Variants in RORA observed in about 807,000 individuals in gnomAD.
RORA encodes the protein nuclear receptor ROR-alpha.
A neutral mutation model predicts 69.5 loss-of-function variants in RORA; 7 were observed. That is an observed-to-expected ratio of 0.10 (90% CI 0.06 to 0.19). The LOEUF is 0.19. Ranked by LOEUF, RORA falls within the 10% of genes least tolerant of loss-of-function variation. The probability of loss-of-function intolerance (pLI) is 1.00; values close to 1 mark genes in which losing one functional copy is unlikely to be tolerated. For synonymous variants in RORA, 261 were observed against 240.8 expected (o/e 1.08, Z -0.78); for missense variants, 457 against 663.0 (o/e 0.69, Z 3.41).
At chr15:61,035,346 T>C (rs79336418) in intron 1 of RORA, among the ~76,000 whole-genome samples, 2,073 of 152,294 alleles carry the variant, frequency 0.014, 20 homozygotes, top group Non-Finnish European at 0.022. Flanking sequence ...ACATACCAGA[T>C]AAAAATAAAA....
chr15:60,737,820 C>T (rs2071522672), intron 1 of RORA, among the ~76,000 whole-genome samples: 1 of 152,144 alleles, frequency 6.6e-6, no homozygotes, highest in Admixed American at 6.5e-5. Context: ...TATTTGACTT[C>T]GAAGAACTAC....
intron 1 of RORA, chr15:61,038,717 T>C (rs1332220817): frequency 6.6e-6 from 1 of 152,220 alleles, no homozygotes; most frequent in Non-Finnish European, 1.5e-5. Flanking sequence ...TAGCGGAAGA[T>C]TCTAGGCAGC....
rs749747818 is a variant in RORA, at chr15:61,000,135, G to A, written c.166+228918C>T. On this transcript the variant is annotated intron_variant, in intron 1 of 10. Coordinates refer to ENST00000335670, the MANE Select transcript of RORA (RefSeq NM_134261.3). ...TGTAAAATTATAGGATATACTTAGC[G>A]TTTAGGTTTTAAAAAATTATTAGCT... Among the ~76,000 whole-genome samples, 3 of 152,020 alleles carry A rather than the reference G, an allele frequency of 2.0e-5. No homozygotes were observed. In the East Asian group the frequency reaches 5.8e-4, roughly 29 times the overall value.
intron 1 of RORA, among the ~76,000 whole-genome samples, chr15:60,917,886 G>C (rs1237442911): frequency 1.3e-5 from 2 of 152,208 alleles, no homozygotes; most frequent in Non-Finnish European, 2.9e-5. Context: ...GACAAAGCGT[G>C]ACAGCGTCTC....
intron 1 of RORA, among the ~76,000 whole-genome samples, chr15:60,845,428 T>C (rs1205786328): frequency 6.6e-6 from 1 of 152,194 alleles, no homozygotes; most frequent in Admixed American, 6.5e-5. Flanking sequence ...CCATCAGTTT[T>C]CAACCTTTTC....
At chr15:61,059,988 G>GGAAGAA (rs71122901) in intron 1 of RORA, among the ~76,000 whole-genome samples, 5,209 of 85,572 alleles carry the variant, frequency 0.061, 274 homozygotes, top group Middle Eastern at 0.079. Flanking sequence ...AAGAGGAAGA[G>GGAAGAA]GAAGAAGAAG....
rs1372612990 is a variant in RORA, at chr15:60,678,704, A to G, written c.167-18T>C. On this transcript the variant is annotated intron_variant, in intron 1 of 10. Transcript: ENST00000335670. ...TGAGATACCTGGAAGAGAAGAAACA[A>G]TAACATAGGTTAGAAAGTGCCCTGT... 1 of 1,608,456 alleles carries G rather than the reference A, an allele frequency of 6.2e-7. No homozygotes were observed. The highest frequency in any genetic ancestry group is 8.5e-7 in the Non-Finnish European group (1 of 1,174,842).
intron 2 of RORA, among the ~76,000 whole-genome samples, chr15:60,551,897 A>G (rs976592485): frequency 2.6e-5 from 4 of 152,200 alleles, no homozygotes; most frequent in African/African-American, 7.2e-5. Flanking sequence ...GTTTATCCCA[A>G]CCTCCTCATT....
chr15:60,820,149 C>T (rs2072874933), intron 1 of RORA, among the ~76,000 whole-genome samples: 1 of 152,238 alleles, frequency 6.6e-6, no homozygotes, highest in South Asian at 2.1e-4. Flanking sequence ...ACGAGTGAGG[C>T]TGCAAGTCAG....
Position 60,542,538 on chromosome 15 carries a change from CAG to C in RORA, c.197-10689_197-10688del, listed in dbSNP as rs1491571839. ...ACATGGCACACATGCACACCTCACA[CAG>C]ATGGCACACATGCACACCTCACACA... On this transcript the variant is annotated intron_variant, in intron 2 of 10. Coordinates refer to ENST00000335670, the MANE Select transcript of RORA (RefSeq NM_134261.3). Among the ~76,000 whole-genome samples, 19 of 135,962 alleles carry C rather than the reference CAG, an allele frequency of 1.4e-4. 1 individual carries two copies. The highest frequency in any genetic ancestry group is 5.6e-4 in the African/African-American group (17 of 30,524). The allele number at this position is 135,962 out of a possible 152,430, so 89.2% of individuals were successfully genotyped here. A position where few individuals can be genotyped will look rare whatever the true frequency, so the allele number is the denominator to read the frequency against.
In RORA at chr15:60,864,737, C is replaced by T. The variant is rs542587239; in HGVS notation, c.167-186051G>A. 3.9e-5 allele frequency among the ~76,000 whole-genome samples: 6 copies of T among 152,300 alleles called. No individual in the cohort carries two copies. In the South Asian group the frequency reaches 1.2e-3, roughly 32 times the overall value. On this transcript the variant is annotated intron_variant, in intron 1 of 10. Transcript: ENST00000335670. ...CATGTCCCTTATAGATACATATGAACTTACACATGATCTATCAGGAAGGAA... is the reference window on the plus strand; with the variant it reads ...CATGTCCCTTATAGATACATATGAATTTACACATGATCTATCAGGAAGGAA...
At chr15:60,684,126 T>G (rs2070701650) in intron 1 of RORA, among the ~76,000 whole-genome samples, 1 of 152,076 alleles carries the variant, frequency 6.6e-6, no homozygotes, top group South Asian at 2.1e-4. Context: ...GTGGCATTTT[T>G]CCTCTTCCCA....
intron 1 of RORA, among the ~76,000 whole-genome samples, chr15:61,121,537 T>C (rs2079104292): frequency 6.6e-6 from 1 of 152,166 alleles, no homozygotes; most frequent in African/African-American, 2.4e-5. Context: ...CGTCTCTTTG[T>C]CTTTGGGGTC....
chr15:60,879,769 T>C (rs1162850817), intron 1 of RORA, among the ~76,000 whole-genome samples: 1 of 152,200 alleles, frequency 6.6e-6, no homozygotes, highest in African/African-American at 2.4e-5. Flanking sequence ...TTCTGGAAAT[T>C]CCACTATATT....
At chr15:61,074,484 A>C (rs183556935) in intron 1 of RORA, among the ~76,000 whole-genome samples, 250 of 152,310 alleles carry the variant, frequency 1.6e-3, no homozygotes, top group African/African-American at 5.8e-3. Flanking sequence ...GAAAGAAACC[A>C]TTTCTTCTTA....
At chr15:61,006,282 T>C (rs1375530004) in intron 1 of RORA, among the ~76,000 whole-genome samples, 2 of 152,106 alleles carry the variant, frequency 1.3e-5, no homozygotes, top group Admixed American at 6.6e-5. Flanking sequence ...ATTTTTTTTT[T>C]ATTGTTTTGT....
At chr15:60,774,432 A>G (rs901993437) in intron 1 of RORA, among the ~76,000 whole-genome samples, 2 of 152,180 alleles carry the variant, frequency 1.3e-5, no homozygotes, top group Non-Finnish European at 2.9e-5. Context: ...CAGAGGCCCA[A>G]TCTCCTTCAC....
At chr15:60,567,799 C>T (rs2067760569) in intron 2 of RORA, among the ~76,000 whole-genome samples, 2 of 152,298 alleles carry the variant, frequency 1.3e-5, no homozygotes, top group South Asian at 2.1e-4. Flanking sequence ...TAATGCATTA[C>T]TTTCCCTTTT....
chr15:60,955,462 CAGACCTCCATA>C (rs1454301125), intron 1 of RORA, among the ~76,000 whole-genome samples: 1 of 152,144 alleles, frequency 6.6e-6, no homozygotes, highest in African/African-American at 2.4e-5. Flanking sequence ...AAATATCAGG[CAGACCTCCATA>C]AGACCTCCAA....
Sources: allele counts gnomAD v4.1 joint callset (sites outside exome capture counted in the v4.1 genomes callset), GRCh38; gene constraint gnomAD v4.1.1; transcripts MANE v1.5; gene names NCBI Gene and HGNC (gene_info 2026-07-23, HGNC 2026-07-21).